The following SLC26A11 variants were observed in gnomAD, a reference collection of about 807,000 sequenced individuals.
SLC26A11 encodes the protein sodium-independent sulfate anion transporter.
Under a neutral mutation model 62.2 loss-of-function variants are expected in SLC26A11, and 58 were observed. The observed-to-expected ratio is 0.93, with a 90% CI of 0.76 to 1.16. The LOEUF (loss-of-function observed/expected upper bound fraction) is 1.16. Among genes scored for constraint, SLC26A11 ranks in the 50% most tolerant of loss-of-function variants. The pLI is 0.00. For synonymous variants in SLC26A11, 411 were observed against 368.9 expected, an observed-to-expected ratio of 1.11 and a Z score of -1.31; for missense variants, 790 against 794.3, an observed-to-expected ratio of 0.99 and a Z score of 0.06.
intron 5 of SLC26A11, among the ~76,000 whole-genome samples, chr17:80,224,422 TGAGAGTGGGTGTGGGTGTGA>T (rs2042339131): frequency 1.5e-5 from 2 of 132,838 alleles, no homozygotes; most frequent in Non-Finnish European, 3.2e-5. Flanking sequence ...TGTGAGTGAG[TGAGAGTGGGTGTGGGTGTGA>T]GAGTGTGAGT....
chr17:80,242,046 G>A (rs1598829744), intron 10 of SLC26A11, among the ~76,000 whole-genome samples: 1 of 152,198 alleles, frequency 6.6e-6, no homozygotes, highest in Admixed American at 6.5e-5. Flanking sequence ...GCACGATCTT[G>A]GCTCACTACA....
intron 7 of SLC26A11, among the ~76,000 whole-genome samples, chr17:80,236,522 A>C (rs1278502143): frequency 6.6e-6 from 1 of 152,142 alleles, no homozygotes; most frequent in East Asian, 1.9e-4. Context: ...CCCGCGTCTT[A>C]GTGGCCATCA....
chr17:80,248,575 G>A lies in SLC26A11; in HGVS notation c.1423G>A (p.Val475Met), dbSNP rs1031475482. 39 of 1,577,128 alleles carry A rather than the reference G, an allele frequency of 2.5e-5. No homozygotes were observed. The highest frequency in any genetic ancestry group is 3.1e-5 in the Non-Finnish European group (36 of 1,161,830). The stretch of plus-strand genomic sequence containing the variant: ...CTCCAGGACTCACTCCTCCCCACAG[G>A]TGTCAGAGGGGCCGGTTCTGGTCCT... Reference protein sequence around the residue: ...LHSAARPETKVSEGPVLVLQP... With the variant: ...LHSAARPETKMSEGPVLVLQP... The change falls in exon 15 of 18, where the codon GTG (valine) becomes ATG (methionine). Residue 475 changes from valine to methionine, a missense_variant and splice_region_variant. Transcript: ENST00000361193.
chr17:80,236,222 G>A (rs1157814851), intron 7 of SLC26A11, among the ~76,000 whole-genome samples: 4 of 152,086 alleles, frequency 2.6e-5, no homozygotes, highest in African/African-American at 7.2e-5. Flanking sequence ...GGTCATTTTC[G>A]CCCAGCTTTG....
Position 80,245,228 on chromosome 17 carries a change from T to C in SLC26A11, c.1069T>C (p.Ser357Pro). ...CAACATGTTGGGCTCCCTCGTCTCCTCCTACCCGGTCACAGGCAGCTTTGG... is the reference window on the plus strand; with the variant it reads ...CAACATGTTGGGCTCCCTCGTCTCCCCCTACCCGGTCACAGGCAGCTTTGG... ...LTNMLGSLVS[S>P]YPVTGSFGRT... Residue 357 changes from serine to proline, a missense_variant, in exon 11 of 18, where the codon TCC (serine) becomes CCC (proline). Coordinates refer to ENST00000361193, the MANE Select transcript of SLC26A11 (RefSeq NM_001166347.2). The C allele has an allele frequency of 6.2e-7, 1 of 1,613,886 alleles. No homozygotes were observed. The highest frequency in any genetic ancestry group is 8.5e-7 in the Non-Finnish European group (1 of 1,179,966).
At chr17:80,245,738 A>C (rs1046572059) in intron 11 of SLC26A11, among the ~76,000 whole-genome samples, 19 of 152,328 alleles carry the variant, frequency 1.2e-4, no homozygotes, top group Admixed American at 1.0e-3. Flanking sequence ...GCAGCCGGGC[A>C]TGAAGCTTAG....
chr17:80,228,347 G>C lies in SLC26A11; in HGVS notation c.736+387G>C, dbSNP rs2042471642. 6.6e-6 allele frequency among the ~76,000 whole-genome samples: 1 copy of C among 152,226 alleles called. No homozygotes were observed. Among genetic ancestry groups the C allele is most frequent in the African/African-American group, 2.4e-5 (1 of 41,532 alleles). ...GGGGTTTCACCATGTTGACCATACT[G>C]GTCTCAAACTCCTGACCTCGAGTGA... On this transcript the variant is annotated intron_variant, in intron 7 of 17. Transcript: ENST00000361193. This position sits in a 1 kb window ranked among gnomAD's most constrained non-coding sequence, Gnocchi z 4.1.
rs752202894 is a variant in SLC26A11 at position 80,223,353 on chromosome 17, A to G, written c.513+16A>G. The G allele has an allele frequency of 6.2e-7, 1 of 1,612,866 alleles. No homozygotes were observed. Among genetic ancestry groups the G allele is most frequent in the Admixed American group, 1.7e-5 (1 of 59,980 alleles). The stretch of plus-strand genomic sequence containing the variant: ...ACAGATCAAGGTAGGCACGGCGCCC[A>G]CCCAGGGCACTGCTCTTTGGCCACT... On this transcript the variant is annotated intron_variant, in intron 5 of 17. Coordinates refer to ENST00000361193, the MANE Select transcript of SLC26A11 (RefSeq NM_001166347.2). The surrounding 1 kb of genome is among the most constrained non-coding windows in gnomAD (Gnocchi z 4.6).
chr17:80,248,008 C>A, intron 13 of SLC26A11, 122 bp from the exon 14 acceptor site: 1 of 1,252,874 alleles, frequency 8.0e-7, no homozygotes, highest in Non-Finnish European at 1.1e-6. Flanking sequence ...TCAGGGGCTG[C>A]TTGGGGTCCA....
rs755146098 is a variant in SLC26A11 at position 80,225,806 on chromosome 17, G to A, written c.514-31G>A. On this transcript the variant is annotated intron_variant, in intron 5 of 17. Coordinates refer to ENST00000361193, the MANE Select transcript of SLC26A11 (RefSeq NM_001166347.2). The stretch of plus-strand genomic sequence containing the variant: ...CAGATGGCCTTGGTTTGGGAGCATA[G>A]CCTCTGATCAGCATCTCTGTGTTTG... 36 of 1,603,010 alleles carry A rather than the reference G, an allele frequency of 2.2e-5. No homozygotes were observed. The South Asian group carries it at 2.9e-4, about 13-fold the overall frequency.
At position 80,236,966 on chromosome 17, in the gene SLC26A11, G is replaced by A. The variant is rs753302636; in HGVS notation, c.775G>A (p.Ala259Thr). The change falls in exon 8 of 18, where the codon GCG (alanine) becomes ACG (threonine). Residue 259 changes from alanine (A) to threonine (T), a missense_variant. Physicochemically the swap from Ala to Thr is moderately conservative, Grantham distance 58. Transcript: ENST00000361193. Reference sequence around the variant, plus strand: ...GGTGGTCTCCTTCGCAGCCCTGGTTGCGTACTCCTTCGAGGTGACTGGATA... The same window carrying A: ...GGTGGTCTCCTTCGCAGCCCTGGTTACGTACTCCTTCGAGGTGACTGGATA... ...ALVVSFAALV[A>T]YSFEVTGYQP... The A allele has an allele frequency of 6.8e-6, 11 of 1,614,052 alleles. No individual in the cohort carries two copies. The highest frequency in any genetic ancestry group is 7.6e-6 in the Non-Finnish European group (9 of 1,179,952).
At chr17:80,225,792 G>C (rs1257913286) in intron 5 of SLC26A11, 45 bp from the exon 6 acceptor site, 1 of 1,564,568 alleles carries the variant, frequency 6.4e-7, no homozygotes, top group East Asian at 2.2e-5. Context: ...AGATGGCCTT[G>C]GTTTGGGAGC....
chr17:80,228,444 C>T lies in SLC26A11; in HGVS notation c.736+484C>T, dbSNP rs2042475130. Among the ~76,000 whole-genome samples, 1 of 152,160 alleles carries T rather than the reference C, an allele frequency of 6.6e-6. No individual in the cohort carries two copies. The highest frequency in any genetic ancestry group is 1.5e-5 in the Non-Finnish European group (1 of 68,030). ...CACCGCCCCGACCCAAACTCTAGAA[C>T]ATTTAAAACTCTGAGCCAAACTCGG... On this transcript the variant is annotated intron_variant, in intron 7 of 17. Coordinates refer to ENST00000361193, the MANE Select transcript of SLC26A11 (RefSeq NM_001166347.2). The surrounding 1 kb of genome is among the most constrained non-coding windows in gnomAD (Gnocchi z 4.1).
chr17:80,248,197 G>A lies in SLC26A11; in HGVS notation c.1362G>A (p.Leu454=). ...TCTGGGAGGTGCAGTACGGCATCCT[G>A]GCCGGGGCCCTGGTGTCTCTGCTCA... The part of the protein sequence containing the change: ...LCFWEVQYGI[L]AGALVSLLML... Residue 454 remains leucine (L), a synonymous_variant, in exon 14 of 18, where the codon CTG becomes CTA. Transcript: ENST00000361193. The A allele has an allele frequency of 6.2e-7, 1 of 1,609,494 alleles. No individual in the cohort carries two copies. Among genetic ancestry groups the A allele is most frequent in the East Asian group, 2.2e-5 (1 of 44,872 alleles).
chr17:80,234,371 T>C (rs538753568), intron 7 of SLC26A11, among the ~76,000 whole-genome samples: 1 of 152,366 alleles, frequency 6.6e-6, no homozygotes, highest in East Asian at 1.9e-4. Context: ...GTGCTGTCAT[T>C]CTTTGTTCCT....
chr17:80,250,335 A>G (rs778486448), intron 16 of SLC26A11, among the ~76,000 whole-genome samples: 8 of 152,154 alleles, frequency 5.3e-5, no homozygotes, highest in Non-Finnish European at 1.0e-4. Flanking sequence ...AACCTGGCCC[A>G]CGAGGCTAGT....
At chr17:80,238,416 A>G (rs1170184279) in intron 9 of SLC26A11, among the ~76,000 whole-genome samples, 1 of 152,188 alleles carries the variant, frequency 6.6e-6, no homozygotes, top group South Asian at 2.1e-4. Flanking sequence ...ACAGGCTCAC[A>G]AAACTCCTAA....
chr17:80,221,474 G>T (rs754905857), intron 2 of SLC26A11, 74 bp from the exon 3 acceptor site: 11 of 1,140,378 alleles, frequency 9.6e-6, no homozygotes, highest in African/African-American at 1.6e-5. Context: ...GACACCCGCC[G>T]ACCCTGACCA....
chr17:80,224,248 A>AGTGTGTGAGTGTGTGC (rs1567943559), intron 5 of SLC26A11, among the ~76,000 whole-genome samples: 1 of 147,790 alleles, frequency 6.8e-6, no homozygotes. Flanking sequence ...GGTTTGAGGG[A>AGTGTGTGAGTGTGTGC]GTGTGTGAGT....
Sources: allele counts gnomAD v4.1 joint callset (sites outside exome capture counted in the v4.1 genomes callset), GRCh38; gene constraint gnomAD v4.1.1; non-coding constraint Gnocchi (gnomAD v3.1); transcripts MANE v1.5; gene names NCBI Gene and HGNC (gene_info 2026-07-23, HGNC 2026-07-21).